MAP2: variants seen among roughly 807,000 people sequenced by gnomAD.
MAP2 encodes the protein microtubule-associated protein 2.
Under a neutral mutation model 137.6 loss-of-function variants are expected in MAP2, and 14 were observed. The observed-to-expected ratio is 0.10, with a 90% CI of 0.07 to 0.16. The LOEUF (loss-of-function observed/expected upper bound fraction) is 0.16, where lower values mean the gene tolerates loss of function less well. Among genes scored for constraint, MAP2 ranks in the 10% least tolerant of loss-of-function variants. MAP2 has a pLI of 1.00. For synonymous variants in MAP2, 786 were observed against 782.3 expected, an observed-to-expected ratio of 1.00 and a Z score of -0.08; for missense variants, 2,088 against 2,191.5, an observed-to-expected ratio of 0.95 and a Z score of 0.94.
intron 2 of MAP2, among the ~76,000 whole-genome samples, chr2:209,573,821 A>G (rs914479900): frequency 6.6e-6 from 1 of 152,126 alleles, no homozygotes; most frequent in Non-Finnish European, 1.5e-5. Flanking sequence ...CCATTAATAT[A>G]CTTTCCATTT....
chr2:209,512,804 C>G (rs1387338133), intron 2 of MAP2, among the ~76,000 whole-genome samples: 3 of 151,958 alleles, frequency 2.0e-5, no homozygotes, highest in Non-Finnish European at 4.4e-5. Context: ...CCAGCACACC[C>G]AGCTAATTTT....
At chr2:209,519,796 T>C (rs2063015213) in intron 2 of MAP2, among the ~76,000 whole-genome samples, 1 of 140,384 alleles carries the variant, frequency 7.1e-6, no homozygotes, top group African/African-American at 3.0e-5. Context: ...ATTGTCAGTA[T>C]ATTCTAAAAC....
At chr2:209,533,904 T>C (rs2065539534) in intron 2 of MAP2, among the ~76,000 whole-genome samples, 4 of 152,092 alleles carry the variant, frequency 2.6e-5, no homozygotes, top group Admixed American at 2.6e-4. Context: ...GATAGGTCTT[T>C]CCATGAATTT....
At chr2:209,552,036 T>A (rs577597156) in intron 2 of MAP2, among the ~76,000 whole-genome samples, 1 of 152,352 alleles carries the variant, frequency 6.6e-6, no homozygotes, top group South Asian at 2.1e-4. Flanking sequence ...TACTTTTTGA[T>A]GTAAGAAATT....
At chr2:209,593,853 A>AT (rs1256675961) in intron 3 of MAP2, among the ~76,000 whole-genome samples, 3 of 104,036 alleles carry the variant, frequency 2.9e-5, no homozygotes, top group South Asian at 2.6e-4. Context: ...AATATATATT[A>AT]TAAAATATAT....
chr2:209,651,192 A>C (rs780591690), intron 4 of MAP2, among the ~76,000 whole-genome samples: 17 of 152,148 alleles, frequency 1.1e-4, no homozygotes, highest in Non-Finnish European at 2.1e-4. Flanking sequence ...AGAACACTGC[A>C]GAATGGTTTT....
chr2:209,721,273 T>C (rs991702743), intron 13 of MAP2, among the ~76,000 whole-genome samples: 7 of 152,134 alleles, frequency 4.6e-5, no homozygotes, highest in Admixed American at 4.6e-4. Context: ...AAAACAAAGG[T>C]CTAGAGAGGC....
chr2:209,492,418 T>G (rs1486940617), intron 1 of MAP2, among the ~76,000 whole-genome samples: 1 of 152,086 alleles, frequency 6.6e-6, no homozygotes, highest in Non-Finnish European at 1.5e-5. Flanking sequence ...CTATTTAACA[T>G]AGTATTAGAA....
At chr2:209,453,803 C>A (rs560727371) in intron 1 of MAP2, among the ~76,000 whole-genome samples, 2 of 152,000 alleles carry the variant, frequency 1.3e-5, no homozygotes, top group East Asian at 3.9e-4. Context: ...TTAATGTGGA[C>A]ATGATTAGGG....
intron 1 of MAP2, among the ~76,000 whole-genome samples, chr2:209,505,032 A>G (rs79048883): frequency 0.013 from 1,996 of 151,278 alleles, 51 homozygotes; most frequent in African/African-American, 0.046. Flanking sequence ...TTTTAGAGAC[A>G]TATTTTTTCT....
At chr2:209,611,897 A>G (rs1389298501) in intron 3 of MAP2, among the ~76,000 whole-genome samples, 1 of 152,166 alleles carries the variant, frequency 6.6e-6, no homozygotes, top group African/African-American at 2.4e-5. Context: ...AGGGAGTATA[A>G]AGAAAAAACA....
intron 2 of MAP2, among the ~76,000 whole-genome samples, chr2:209,570,530 C>T (rs1165951135): frequency 6.6e-6 from 1 of 151,862 alleles, no homozygotes; most frequent in African/African-American, 2.4e-5. Context: ...AGAATCATGT[C>T]ATATGCTTTT....
chr2:209,489,180 A>G (rs2058769281), intron 1 of MAP2, among the ~76,000 whole-genome samples: 1 of 152,216 alleles, frequency 6.6e-6, no homozygotes, highest in Non-Finnish European at 1.5e-5. Flanking sequence ...AAACTCCAGC[A>G]GACCTGCAGA....
In MAP2 at chr2:209,595,033, TC is replaced by T. The variant is rs1327817930; in HGVS notation, c.-107+14935del. ...CCCAAGGAGAGGCAAGAAGTAAAAC[TC>T]CTTCTACAATTCTAAAGAACTAGAA... On this transcript the variant is annotated intron_variant, in intron 3 of 15. Coordinates refer to ENST00000682079, the MANE Select transcript of MAP2 (RefSeq NM_001375505.1). Among the ~76,000 whole-genome samples the T allele has an allele frequency of 6.6e-5, 10 of 152,280 alleles. No individual in the cohort carries two copies. The East Asian group carries it at 1.7e-3, about 27-fold the overall frequency.
intron 1 of MAP2, among the ~76,000 whole-genome samples, chr2:209,434,652 A>G (rs1371179586): frequency 6.6e-6 from 1 of 151,160 alleles, no homozygotes; most frequent in African/African-American, 2.4e-5. Context: ...CCCCAAATCT[A>G]CAAAATAATT....
intron 5 of MAP2, among the ~76,000 whole-genome samples, chr2:209,655,662 A>G (rs2095094559): frequency 6.6e-6 from 1 of 152,226 alleles, no homozygotes; most frequent in Non-Finnish European, 1.5e-5. Flanking sequence ...CTATCCTTTG[A>G]TGATGGAGAC....
intron 3 of MAP2, among the ~76,000 whole-genome samples, chr2:209,599,032 C>T (rs2082226622): frequency 6.6e-6 from 1 of 152,080 alleles, no homozygotes; most frequent in Admixed American, 6.5e-5. Flanking sequence ...CACTGACTTC[C>T]ACAATGGTTG....
At chr2:209,523,409 G>C (rs2063560854) in intron 2 of MAP2, among the ~76,000 whole-genome samples, 1 of 152,118 alleles carries the variant, frequency 6.6e-6, no homozygotes, top group African/African-American at 2.4e-5. Context: ...CATTGCTGTT[G>C]TTGGATTGCT....
intron 3 of MAP2, among the ~76,000 whole-genome samples, chr2:209,580,850 G>A (rs1311766445): frequency 6.6e-6 from 1 of 152,082 alleles, no homozygotes; most frequent in Non-Finnish European, 1.5e-5. Context: ...TTTTCTTTAA[G>A]ACCGTCTTTA....
Sources: allele counts gnomAD v4.1 joint callset (sites outside exome capture counted in the v4.1 genomes callset), GRCh38; gene constraint gnomAD v4.1.1; transcripts MANE v1.5; gene names NCBI Gene and HGNC (gene_info 2026-07-23, HGNC 2026-07-21).